The following SLC14A2 variants were observed in gnomAD, a reference collection of about 807,000 sequenced individuals.
SLC14A2 encodes the protein solute carrier family 14 member 2.
A neutral mutation model predicts 104.6 loss-of-function variants in SLC14A2; 91 were observed. The observed-to-expected ratio is 0.87, with a 90% CI of 0.73 to 1.04. SLC14A2 has a LOEUF of 1.04. Among genes scored for constraint, SLC14A2 ranks in the 50% least tolerant of loss-of-function variants. The pLI is 0.00. For synonymous variants in SLC14A2, 476 were observed against 466.4 expected (o/e 1.02, Z -0.27); for missense variants, 1,189 against 1,156.0 (o/e 1.03, Z -0.41).
At chr18:45,645,733 C>A (rs1199715181) in intron 10 of SLC14A2, among the ~76,000 whole-genome samples, 1 of 137,842 alleles carries the variant, frequency 7.3e-6, no homozygotes, top group Non-Finnish European at 1.6e-5. Flanking sequence ...AAAGTCTTAA[C>A]CCTGTCATTA....
In SLC14A2 at chr18:45,268,964, T is replaced by TGTGTGTGTGTGTGTGTGTG. The variant is rs2084621690; in HGVS notation, c.-125+55773_-125+55774insGTGTGTGTGTGTGTGTGTG. Among the ~76,000 whole-genome samples, 29 of 143,558 alleles carry TGTGTGTGTGTGTGTGTGTG rather than the reference T, an allele frequency of 2.0e-4. No homozygotes were observed. The South Asian group carries it at 6.4e-3, about 32-fold the overall frequency. The allele number at this position is 143,558 out of a possible 152,430, so 94.2% of individuals were successfully genotyped here. ...TGCCTCCTTTATGCTGTTGGTGTGTTTGTGTGTGTGTGTGTGTGTGTGTAC... is the reference window on the plus strand; with the variant it reads ...TGCCTCCTTTATGCTGTTGGTGTGTTGTGTGTGTGTGTGTGTGTGTGTGTGTGTGTGTGTGTGTGTGTAC... On this transcript the variant is annotated intron_variant, in intron 1 of 20. Coordinates refer to the SLC14A2 transcript ENST00000586448.
At chr18:45,503,179 G>GT (rs1430745214) in intron 2 of SLC14A2, among the ~76,000 whole-genome samples, 1 of 152,122 alleles carries the variant, frequency 6.6e-6, no homozygotes, top group Admixed American at 6.5e-5. Context: ...CTGCAGGGGA[G>GT]TGATAGTATT....
intron 1 of SLC14A2, among the ~76,000 whole-genome samples, chr18:45,228,453 C>G (rs1355995349): frequency 6.6e-6 from 1 of 152,128 alleles, no homozygotes; most frequent in Non-Finnish European, 1.5e-5. Context: ...CCTGCTTTGT[C>G]TCTGGGGTTC....
intron 2 of SLC14A2, among the ~76,000 whole-genome samples, chr18:45,600,178 T>C (rs1055193302): frequency 2.6e-5 from 4 of 152,196 alleles, no homozygotes; most frequent in African/African-American, 9.7e-5. Flanking sequence ...TACTAAAATA[T>C]AAAACTTGTT....
chr18:45,332,582 T>A (rs898315310), intron 1 of SLC14A2, among the ~76,000 whole-genome samples: 18 of 152,214 alleles, frequency 1.2e-4, no homozygotes, highest in African/African-American at 3.1e-4. Context: ...CTGTAGGAAC[T>A]TCTTTCAAGA....
intron 1 of SLC14A2, among the ~76,000 whole-genome samples, chr18:45,465,282 T>C (rs1449381118): frequency 1.3e-5 from 2 of 152,310 alleles, no homozygotes; most frequent in African/African-American, 2.4e-5. Flanking sequence ...CCAGAATCAA[T>C]TGCATATGTG....
At chr18:45,315,735 A>G (rs1300726799) in intron 1 of SLC14A2, among the ~76,000 whole-genome samples, 1 of 152,178 alleles carries the variant, frequency 6.6e-6, no homozygotes, top group Non-Finnish European at 1.5e-5. Flanking sequence ...ACCCTCCACT[A>G]TCCTCAAGCA....
chr18:45,598,878 C>T (rs1177450237), intron 2 of SLC14A2, among the ~76,000 whole-genome samples: 1 of 152,228 alleles, frequency 6.6e-6, no homozygotes, highest in African/African-American at 2.4e-5. Context: ...AGCACGCAGA[C>T]CGCTTGCTTC....
In SLC14A2 at chr18:45,632,337, G is replaced by A. The variant is rs376418619; in HGVS notation, c.522-13G>A. 1.7e-5 allele frequency: 27 copies of A among 1,610,002 alleles called. No homozygotes were observed. In the Admixed American group the frequency reaches 2.2e-4, roughly 13 times the overall value. On this transcript the variant is annotated splice_polypyrimidine_tract_variant and intron_variant, in intron 4 of 19. Coordinates refer to ENST00000255226, the MANE Select transcript of SLC14A2 (RefSeq NM_007163.4). ...CCAACTTCAAATGCAAAATCAGTCT[G>A]TTTCACCGCCAGGTCTGCCATTGCC...
At position 45,468,092 on chromosome 18, in the gene SLC14A2, C is replaced by T. The variant is rs564700107; in HGVS notation, c.-124-15141C>T. 5.4e-4 allele frequency among the ~76,000 whole-genome samples: 82 copies of T among 152,240 alleles called. 1 individual carries two copies. Among genetic ancestry groups the T allele is most frequent in the African/African-American group, 1.9e-3 (77 of 41,544 alleles). ...AACCTTGGTCAGGAGTAGTGCCTTC[C>T]GCTGGAGGATCTTCATTTGCTGAGA... On this transcript the variant is annotated intron_variant, in intron 1 of 20. Transcript: ENST00000586448.
chr18:45,314,278 A>T (rs1037265930), intron 1 of SLC14A2, among the ~76,000 whole-genome samples: 3 of 152,228 alleles, frequency 2.0e-5, no homozygotes, highest in African/African-American at 7.2e-5. Flanking sequence ...CGTGTCCAAG[A>T]TACACCACTG....
chr18:45,169,289 A>T, the SLC14A2 span: 1 of 152,182 alleles, frequency 6.6e-6, no homozygotes, highest in African/African-American at 2.4e-5. Flanking sequence ...ACTAAGTGTG[A>T]TCTGCTGTTG....
intron 1 of SLC14A2, among the ~76,000 whole-genome samples, chr18:45,253,609 A>G (rs534473659): frequency 1.3e-5 from 2 of 152,172 alleles, no homozygotes; most frequent in Non-Finnish European, 1.5e-5. Flanking sequence ...AGCAGCTGTT[A>G]GGAGGATAAT....
chr18:45,530,344 G>A (rs568700867), intron 2 of SLC14A2, among the ~76,000 whole-genome samples: 37 of 152,270 alleles, frequency 2.4e-4, no homozygotes, highest in Middle Eastern at 3.4e-3. Flanking sequence ...AAAATGAAAT[G>A]AAGGCTCTTC....
chr18:45,263,285 A>G (rs539599499), intron 1 of SLC14A2, among the ~76,000 whole-genome samples: 1 of 152,300 alleles, frequency 6.6e-6, no homozygotes, highest in Non-Finnish European at 1.5e-5. Flanking sequence ...ATGCATTTTT[A>G]CTAAGAAATT....
At chr18:45,423,567 G>A (rs1384826511) in intron 1 of SLC14A2, among the ~76,000 whole-genome samples, 2 of 152,166 alleles carry the variant, frequency 1.3e-5, no homozygotes, top group African/African-American at 4.8e-5. Context: ...TTTTATGGGT[G>A]AAGACAATGA....
At position 45,358,102 on chromosome 18, in the gene SLC14A2, A is replaced by G. The variant is rs1042026172; in HGVS notation, c.-124-125131A>G. ...CCCTTTTTGCTTGGTGAAGTGCCCA[A>G]TGAGGACTCAACATTAAATCTTCAA... On this transcript the variant is annotated intron_variant, in intron 1 of 20. Coordinates refer to the SLC14A2 transcript ENST00000586448. 1.6e-4 allele frequency among the ~76,000 whole-genome samples: 25 copies of G among 152,332 alleles called. 1 individual carries two copies. Among genetic ancestry groups the G allele is most frequent in the Admixed American group, 2.0e-4 (3 of 15,302 alleles).
At chr18:45,600,005 G>A (rs2044766689) in intron 2 of SLC14A2, among the ~76,000 whole-genome samples, 1 of 151,808 alleles carries the variant, frequency 6.6e-6, no homozygotes. Context: ...ATTTGGGTGG[G>A]GACACAGACA....
chr18:45,405,900 A>G (rs76503077), intron 1 of SLC14A2, among the ~76,000 whole-genome samples: 1 of 112,932 alleles, frequency 8.9e-6, no homozygotes, highest in African/African-American at 4.7e-5. Flanking sequence ...CCATCTCGAA[A>G]AAAAAAAAAA....
Sources: allele counts gnomAD v4.1 joint callset (sites outside exome capture counted in the v4.1 genomes callset), GRCh38; gene constraint gnomAD v4.1.1; transcripts MANE v1.5; gene names NCBI Gene and HGNC (gene_info 2026-07-23, HGNC 2026-07-21).